SLC1A5: variants seen among roughly 807,000 people sequenced by gnomAD.
SLC1A5 encodes the protein neutral amino acid transporter B(0).
Under a neutral mutation model 34.9 loss-of-function variants are expected in SLC1A5, and 25 were observed. The observed-to-expected ratio is 0.72, with a 90% CI of 0.52 to 1.00. SLC1A5 has a LOEUF of 1.00. Ranked by LOEUF, SLC1A5 falls within the 50% of genes least tolerant of loss-of-function variation. The pLI, the probability that SLC1A5 is intolerant of heterozygous loss-of-function variation, is 0.00. For synonymous variants in SLC1A5, 351 were observed against 341.2 expected (o/e 1.03, Z -0.32); for missense variants, 637 against 740.0 (o/e 0.86, Z 1.61).
At chr19:46,777,523 C>T in intron 5 of SLC1A5, 118 bp from the exon 6 acceptor site, 1 of 966,472 alleles carries the variant, frequency 1.0e-6, no homozygotes. Flanking sequence ...AAGCCCCACC[C>T]ACCCCACCCA....
At chr19:46,777,852 C>T (rs1018090135) in intron 5 of SLC1A5, among the ~76,000 whole-genome samples, 2 of 151,186 alleles carry the variant, frequency 1.3e-5, no homozygotes, top group African/African-American at 2.4e-5. Context: ...CCAGCCCTCA[C>T]TTGCTATATC....
intron 4 of SLC1A5, among the ~76,000 whole-genome samples, chr19:46,779,614 G>A (rs1008438824): frequency 6.6e-6 from 1 of 151,278 alleles, no homozygotes; most frequent in Non-Finnish European, 1.5e-5. Flanking sequence ...GAAAGATAAA[G>A]AGGCTGGGCA....
intron 4 of SLC1A5, 35 bp downstream of exon 4, chr19:46,782,348 C>CCCCCCCCCCCCCCAGCCCCCCCCCCCA: frequency 1.8e-6 from 1 of 551,998 alleles, no homozygotes; most frequent in African/African-American, 1.9e-5. Context: ...ACCCTCCAAC[C>CCCCCCCCCCCCCCAGCCCCCCCCCCCA]CCACCCACCC....
chr19:46,777,839 C>T (rs186768435), intron 5 of SLC1A5, among the ~76,000 whole-genome samples: 140 of 151,236 alleles, frequency 9.3e-4, no homozygotes, highest in African/African-American at 3.3e-3. Context: ...CCTGACTCCA[C>T]CCCCAGCCCT....
chr19:46,780,554 C>T (rs986677005), intron 4 of SLC1A5, among the ~76,000 whole-genome samples: 6 of 151,446 alleles, frequency 4.0e-5, no homozygotes, highest in Non-Finnish European at 7.4e-5. Context: ...GAGGGTTTTT[C>T]GCCATGTTGA....
intron 2 of SLC1A5, 72 bp from the exon 3 acceptor site, chr19:46,784,216 T>C: frequency 2.6e-6 from 3 of 1,167,920 alleles, no homozygotes; most frequent in Non-Finnish European, 3.8e-6. Context: ...AAGCTAACAA[T>C]GCTCAAAGCC....
chr19:46,776,924 C>A (rs1470252973), intron 7 of SLC1A5, 51 bp downstream of exon 7: 2 of 1,580,746 alleles, frequency 1.3e-6, no homozygotes. Flanking sequence ...CACTCATCCT[C>A]TTTCCCAGGG....
Position 46,788,352 on chromosome 19 carries a change from G to A in SLC1A5, c.-387C>T, listed in dbSNP as rs1052175177. ...GAGGTCTGCAGGAGGCTAGGTTCTG[G>A]TGGCGCAGATCCCGGACGCCTGGAT... On this transcript the variant is annotated 5_prime_UTR_variant, in exon 1 of 8. Coordinates refer to ENST00000542575, the MANE Select transcript of SLC1A5 (RefSeq NM_005628.3). 5.3e-6 allele frequency: 1 copy of A among 189,620 alleles called. No individual in the cohort carries two copies. Among genetic ancestry groups the A allele is most frequent in the South Asian group, 1.7e-4 (1 of 5,930 alleles). The allele number at this position is 189,620 out of a possible 1,614,324, so 11.7% of individuals were successfully genotyped here.
chr19:46,784,829 TC>T, intron 1 of SLC1A5: 1 of 1,412,792 alleles, frequency 7.1e-7, no homozygotes, highest in Non-Finnish European at 9.2e-7. Flanking sequence ...AATGCTGGCC[TC>T]CCACGGCAGG....
rs1437572203 is a variant in SLC1A5 at position 46,784,565 on chromosome 19, G to C, written c.567-6C>G. Reference sequence around the variant, plus strand: ...GGTTGGAAGGGAAGATATTTCTGCAGAGACAGACACACAGAGGGTTATTAG... The same window carrying C: ...GGTTGGAAGGGAAGATATTTCTGCACAGACAGACACACAGAGGGTTATTAG... On this transcript the variant is annotated splice_polypyrimidine_tract_variant and splice_region_variant and intron_variant, in intron 1 of 7. Coordinates refer to ENST00000542575, the MANE Select transcript of SLC1A5 (RefSeq NM_005628.3). The C allele has an allele frequency of 6.2e-7, 1 of 1,614,146 alleles. No individual in the cohort carries two copies. The highest frequency in any genetic ancestry group is 8.5e-7 in the Non-Finnish European group (1 of 1,180,048).
chr19:46,787,970 G>T lies in SLC1A5; in HGVS notation c.-5C>A. On this transcript the variant is annotated 5_prime_UTR_variant, in exon 1 of 8. Coordinates refer to ENST00000542575, the MANE Select transcript of SLC1A5 (RefSeq NM_005628.3). This position sits in a 1 kb window ranked among gnomAD's most constrained non-coding sequence, Gnocchi z 5.2. ...TCGAGGAGGATCGGCCACCATGATG[G>T]GAAGCACCGGGGTTTCTTAGCGCCT... 1 of 1,548,682 alleles carries T rather than the reference G, an allele frequency of 6.5e-7. No homozygotes were observed. The highest frequency in any genetic ancestry group is 8.7e-7 in the Non-Finnish European group (1 of 1,151,198).
intron 5 of SLC1A5, among the ~76,000 whole-genome samples, chr19:46,778,319 C>T (rs1035362571): frequency 6.6e-6 from 1 of 152,110 alleles, no homozygotes; most frequent in African/African-American, 2.4e-5. Flanking sequence ...GTCCCAGCTA[C>T]TCGGGAGGCT....
chr19:46,778,898 C>T lies in SLC1A5; in HGVS notation c.835G>A (p.Val279Met). 6.4e-7 allele frequency: 1 copy of T among 1,569,234 alleles called. No homozygotes were observed. Among genetic ancestry groups the T allele is most frequent in the Non-Finnish European group, 8.6e-7 (1 of 1,158,544 alleles). ...LVSWIMWYAP[V>M]GIMFLVAGKI... is the part of the protein sequence containing the mutation. ...CCAGCCACCAGGAACATGATGCCCA[C>T]AGGGGCGTACCTGATCAGTAACACA... is the stretch of plus-strand genomic sequence containing the variant. The change falls in exon 5 of 8, where the codon GTG becomes ATG. Residue 279 changes from valine (V) to methionine (M), a missense_variant. Val to Met is a conservative substitution (Grantham distance 21). Coordinates refer to ENST00000542575, the MANE Select transcript of SLC1A5 (RefSeq NM_005628.3).
In SLC1A5 at chr19:46,775,576, G is replaced by C. The variant is rs1437169546; in HGVS notation, c.1560C>G (p.Leu520=). 3 of 1,614,044 alleles carry C rather than the reference G, an allele frequency of 1.9e-6. No individual in the cohort carries two copies. Among genetic ancestry groups the C allele is most frequent in the Non-Finnish European group, 2.5e-6 (3 of 1,180,030 alleles). ...CTGCGGGCCCCCGATAGTGTTTGAG[G>C]AGGGGGTTTCCTTCCTCAGTGGGGA... The part of the protein sequence containing the change: ...LPVPTEEGNP[L]LKHYRGPAGD... The change falls in exon 8 of 8, where the codon CTC becomes CTG. Residue 520 remains leucine, a synonymous_variant. Transcript: ENST00000542575.
intron 4 of SLC1A5, 41 bp downstream of exon 4, chr19:46,782,342 T>TGCCCCC: frequency 1.9e-6 from 1 of 523,372 alleles, no homozygotes; most frequent in Non-Finnish European, 3.5e-6. Context: ...AGACCGACCC[T>TGCCCCC]CCAACCCCAC....
rs764933720 is a variant in SLC1A5 at position 46,782,404 on chromosome 19, AC to A, written c.802del (p.Val268PhefsTer74). 38 of 1,610,032 alleles carry A rather than the reference AC, an allele frequency of 2.4e-5. No homozygotes were observed. The highest frequency in any genetic ancestry group is 3.1e-5 in the Non-Finnish European group (37 of 1,178,216). ...FFNSFNEATMVLVSWIMWYAP... is the reference protein window; with the variant it reads ...FFNSFNEATMXLVSWIMWYAP... ...CTACCACATGATCCAGGAGACCAGA[AC>A]CATGGTGGCCTCATTGAAGGAGTTG... On this transcript the variant is annotated frameshift_variant, in exon 4 of 8. Transcript: ENST00000542575. LOFTEE classifies it high-confidence loss of function.
intron 4 of SLC1A5, among the ~76,000 whole-genome samples, chr19:46,779,257 T>C (rs1456304015): frequency 6.6e-6 from 1 of 151,774 alleles, no homozygotes; most frequent in African/African-American, 2.4e-5. Context: ...AAACCCCGTC[T>C]CTACTAAAAA....
At chr19:46,779,857 CT>C (rs375206839) in intron 4 of SLC1A5, among the ~76,000 whole-genome samples, 17,187 of 143,138 alleles carry the variant, frequency 0.12, 1,010 homozygotes, top group Middle Eastern at 0.15. Flanking sequence ...ACATGTCTCT[CT>C]TTTTTTTTTT....
Position 46,787,506 on chromosome 19 carries a change from G to T in SLC1A5, c.460C>A (p.Gln154Lys). The T allele has an allele frequency of 6.3e-7, 1 of 1,580,682 alleles. No individual in the cohort carries two copies. Among genetic ancestry groups the T allele is most frequent in the Non-Finnish European group, 8.6e-7 (1 of 1,164,322 alleles). ...ATGGCGGCGGAGGCGGCGCCCGGCT[G>T]CAGAGCCAGCGCCAAGCCCACTCCG... ...ALGVGLALAL[Q>K]PGAASAAINA... The change falls in exon 1 of 8, where the codon CAG becomes AAG. Residue 154 changes from glutamine to lysine, a missense_variant. Gln to Lys is a moderately conservative substitution (Grantham distance 53). Transcript: ENST00000542575. The surrounding 1 kb of genome is among the most constrained non-coding windows in gnomAD (Gnocchi z 5.2).
Sources: gnomAD v4.1 joint callset for allele counts (sites outside exome capture counted in the v4.1 genomes callset) on GRCh38, gnomAD v4.1.1 for gene constraint, Gnocchi (gnomAD v3.1) non-coding constraint, MANE v1.5 for transcripts, NCBI Gene and HGNC (gene_info 2026-07-23, HGNC 2026-07-21) for gene names.